The following CRY1 variants were observed in gnomAD, a reference collection of about 807,000 sequenced individuals.
CRY1 encodes the protein cryptochrome-1.
In CRY1, 45 loss-of-function variants were observed where a neutral mutation model predicts 76.0. The ratio of observed to expected loss-of-function variants is 0.59; its 90% confidence interval spans 0.47 to 0.76. The LOEUF (loss-of-function observed/expected upper bound fraction) is 0.76. Ranked by LOEUF, CRY1 falls within the 30% of genes least tolerant of loss-of-function variation. The pLI is 0.00. For missense variants in CRY1, 587 were observed against 716.4 expected (o/e 0.82, Z 2.06); for synonymous variants, 248 against 244.0 (o/e 1.02, Z -0.15).
At chr12:107,060,814 T>C (rs1055415045) in intron 1 of CRY1, among the ~76,000 whole-genome samples, 1 of 152,016 alleles carries the variant, frequency 6.6e-6, no homozygotes, top group Non-Finnish European at 1.5e-5. Flanking sequence ...CCGTCTCTAC[T>C]AAAAATACAA....
intron 2 of CRY1, among the ~76,000 whole-genome samples, chr12:107,008,407 G>C (rs1227714880): frequency 3.3e-5 from 5 of 152,180 alleles, no homozygotes; most frequent in African/African-American, 1.2e-4. Flanking sequence ...TATTGAGAAA[G>C]AGTGGCAATA....
intron 2 of CRY1, among the ~76,000 whole-genome samples, chr12:107,017,226 G>A (rs937034207): frequency 1.3e-5 from 2 of 152,216 alleles, no homozygotes; most frequent in Admixed American, 6.5e-5. Flanking sequence ...CCTCTCCGAC[G>A]CCATTTCTTC....
intron 2 of CRY1, among the ~76,000 whole-genome samples, chr12:107,010,418 C>A (rs1952430709): frequency 6.6e-6 from 1 of 152,142 alleles, no homozygotes; most frequent in African/African-American, 2.4e-5. Flanking sequence ...TTGTGCTTTG[C>A]TATTTATTGC....
chr12:107,001,576 A>G (rs759963847), intron 4 of CRY1, among the ~76,000 whole-genome samples, 188 bp downstream of exon 4: 8 of 152,238 alleles, frequency 5.3e-5, no homozygotes, highest in Non-Finnish European at 1.2e-4. Flanking sequence ...AATAGATCAC[A>G]TATTTATAAA....
At position 107,016,045 on chromosome 12, in the gene CRY1, C is replaced by G. The variant is rs143754781; in HGVS notation, c.267+6039G>C. ...AAGTTCTTGGCTGGACGTGGTGGCT[C>G]ACGCCTGTAATCCCAGCACTTTGGG... On this transcript the variant is annotated intron_variant, in intron 2 of 12. Transcript: ENST00000008527. Among the ~76,000 whole-genome samples the G allele has an allele frequency of 2.7e-3, 417 of 152,308 alleles. 2 individuals are homozygous for G. The highest frequency in any genetic ancestry group is 9.1e-3 in the African/African-American group (378 of 41,552).
At chr12:107,055,992 AT>A (rs1340136271) in intron 1 of CRY1, among the ~76,000 whole-genome samples, 1 of 152,254 alleles carries the variant, frequency 6.6e-6, no homozygotes, top group Non-Finnish European at 1.5e-5. Flanking sequence ...GATATATAAA[AT>A]ATCTCCCTAA....
chr12:107,003,466 G>C (rs1479841703), intron 3 of CRY1, among the ~76,000 whole-genome samples: 1 of 152,050 alleles, frequency 6.6e-6, no homozygotes, highest in Non-Finnish European at 1.5e-5. Flanking sequence ...ACTGATAAAC[G>C]GCAAATCAAG....
At chr12:107,037,198 A>G (rs1485178644) in intron 1 of CRY1, among the ~76,000 whole-genome samples, 1 of 152,218 alleles carries the variant, frequency 6.6e-6, no homozygotes, top group Admixed American at 6.5e-5. Flanking sequence ...ATGGGACCTC[A>G]TGACTGTTTG....
chr12:107,043,212 T>C (rs147651412), intron 1 of CRY1: 2 of 152,322 alleles, frequency 1.3e-5, no homozygotes, highest in East Asian at 3.9e-4. Context: ...GCCACTTTAC[T>C]TACCCCTCCA....
chr12:107,025,266 C>T lies in CRY1; in HGVS notation c.159-3074G>A, dbSNP rs145441112. Among the ~76,000 whole-genome samples the T allele has an allele frequency of 8.6e-3, 1,311 of 152,212 alleles. 8 individuals are homozygous for T. Among genetic ancestry groups the T allele is most frequent in the Non-Finnish European group, 0.011 (768 of 68,002 alleles). ...ACATTCCTTCAAAGTAGAAGAAAAA[C>T]GAGATACACTACATATGTATCTGGT... On this transcript the variant is annotated intron_variant, in intron 1 of 12. Coordinates refer to ENST00000008527, the MANE Select transcript of CRY1 (RefSeq NM_004075.5).
intron 2 of CRY1, among the ~76,000 whole-genome samples, chr12:107,019,146 A>T (rs1174443037): frequency 6.6e-6 from 1 of 152,206 alleles, no homozygotes; most frequent in East Asian, 1.9e-4. Context: ...TCTCCCTCAG[A>T]GAAACTGTGG....
chr12:106,993,152 A>G, intron 10 of CRY1, 116 bp from the exon 11 acceptor site: 1 of 918,580 alleles, frequency 1.1e-6, no homozygotes, highest in Non-Finnish European at 1.6e-6. Context: ...ATATGCTTTT[A>G]AGACTAAATC....
rs1565842756 is a variant in CRY1 at position 107,069,613 on chromosome 12, A to AAAGTATATATATATAAAGTATATATATAT, written c.158+23190_158+23191insATATATATATACTTTATATATATATACTT. ...TATATATATATAAAGTATATATATA[A>AAAGTATATATATATAAAGTATATATATAT]AAAGTATATATATATAAAGTATATA... On this transcript the variant is annotated intron_variant, in intron 1 of 12. Coordinates refer to ENST00000008527, the MANE Select transcript of CRY1 (RefSeq NM_004075.5). Among the ~76,000 whole-genome samples the AAAGTATATATATATAAAGTATATATATAT allele has an allele frequency of 4.3e-3, 324 of 75,270 alleles. 1 individual carries two copies. Among genetic ancestry groups the AAAGTATATATATATAAAGTATATATATAT allele is most frequent in the Non-Finnish European group, 6.3e-3 (237 of 37,578 alleles). The allele number at this position is 75,270 out of a possible 152,430, so 49.4% of individuals were successfully genotyped here. A position where few individuals can be genotyped will look rare whatever the true frequency, so the allele number is the denominator to read the frequency against.
At position 106,999,816 on chromosome 12, in the gene CRY1, AAC is replaced by A. The variant is rs1178005185; in HGVS notation, c.870_871del (p.Leu291MetfsTer3). The A allele has an allele frequency of 6.2e-7, 1 of 1,614,152 alleles. No homozygotes were observed. The highest frequency in any genetic ancestry group is 2.2e-5 in the East Asian group (1 of 44,890). ...TGCTGTATAGAAAAATTCACGCCATAACAGTTGCCCATAAAGGGAAAGGGGAG... is the reference window on the plus strand; with the variant it reads ...TGCTGTATAGAAAAATTCACGCCATAAGTTGCCCATAAAGGGAAAGGGGAG... On this transcript the variant is annotated frameshift_variant, in exon 7 of 13. Transcript: ENST00000008527. LOFTEE classifies it high-confidence loss of function.
At chr12:107,036,659 AT>A (rs1952736648) in intron 1 of CRY1, among the ~76,000 whole-genome samples, 1 of 151,318 alleles carries the variant, frequency 6.6e-6, no homozygotes, top group African/African-American at 2.4e-5. Flanking sequence ...CAATACCACT[AT>A]GACTCCATCT....
chr12:107,083,615 G>A (rs1953356186), intron 1 of CRY1, among the ~76,000 whole-genome samples: 1 of 152,136 alleles, frequency 6.6e-6, no homozygotes, highest in Non-Finnish European at 1.5e-5. Context: ...AATAGATGCA[G>A]AAAAGGCCTT....
chr12:107,015,344 CT>C (rs3835384), intron 2 of CRY1, among the ~76,000 whole-genome samples: 78,210 of 145,154 alleles, frequency 0.54, 20,609 homozygotes, highest in East Asian at 0.7. Context: ...CCTATCTACT[CT>C]TTTTTTTTTT....
intron 1 of CRY1, among the ~76,000 whole-genome samples, chr12:107,026,406 G>C (rs1017932653): frequency 6.6e-6 from 1 of 151,392 alleles, no homozygotes; most frequent in Non-Finnish European, 1.5e-5. Flanking sequence ...AATTATTTTT[G>C]TATTTTTAGT....
chr12:107,019,010 A>C (rs960085748), intron 2 of CRY1, among the ~76,000 whole-genome samples: 1 of 152,248 alleles, frequency 6.6e-6, no homozygotes, highest in South Asian at 2.1e-4. Flanking sequence ...GGTCTAAACT[A>C]GCCTTACCTC....
Sources: gnomAD v4.1 joint callset for allele counts (sites outside exome capture counted in the v4.1 genomes callset) on GRCh38, gnomAD v4.1.1 for gene constraint, MANE v1.5 for transcripts, NCBI Gene and HGNC (gene_info 2026-07-23, HGNC 2026-07-21) for gene names.